The following TMEM17 variants were observed in gnomAD, a reference collection of about 807,000 sequenced individuals.
TMEM17 encodes transmembrane protein 17.
Under a neutral mutation model 19.1 loss-of-function variants are expected in TMEM17, and 15 were observed. The observed-to-expected ratio is 0.78, with a 90% CI of 0.52 to 1.21. The LOEUF is 1.21. TMEM17 is among the 50% of genes most tolerant of loss of function. The pLI is 0.00. For missense variants in TMEM17, 245 were observed against 242.3 expected (o/e 1.01, Z -0.07); for synonymous variants, 103 against 86.9 (o/e 1.19, Z -1.03).
At chr2:62,471,068 T>A in the TMEM17 span, among the ~76,000 whole-genome samples, 1 of 152,310 alleles carries the variant, frequency 6.6e-6, no homozygotes, top group South Asian at 2.1e-4. Context: ...GGGTCTGGAC[T>A]GCGGGTTCCA....
At chr2:62,468,844 G>T in the TMEM17 span, among the ~76,000 whole-genome samples, 1 of 152,228 alleles carries the variant, frequency 6.6e-6, no homozygotes, top group Non-Finnish European at 1.5e-5. Flanking sequence ...ACTAGCTAGA[G>T]GCATGGTAGC....
At chr2:62,499,210 T>C (rs942700502), downstream of TMEM17, among the ~76,000 whole-genome samples, 1 of 152,182 alleles carries the variant, frequency 6.6e-6, no homozygotes, top group East Asian at 1.9e-4. Flanking sequence ...TTTATGGTTA[T>C]GACTGACATT....
the TMEM17 span, among the ~76,000 whole-genome samples, chr2:62,454,726 T>C: frequency 3.9e-5 from 6 of 152,174 alleles, no homozygotes; most frequent in Admixed American, 1.3e-4. Context: ...TATTTTGAGA[T>C]GGAGTCTCAC....
chr2:62,493,824 T>C, the TMEM17 span, among the ~76,000 whole-genome samples: 1 of 152,236 alleles, frequency 6.6e-6, no homozygotes, highest in African/African-American at 2.4e-5. Context: ...TAATAATCTA[T>C]TATTTAAAAG....
chr2:62,459,405 G>C, the TMEM17 span, among the ~76,000 whole-genome samples: 1 of 152,232 alleles, frequency 6.6e-6, no homozygotes, highest in African/African-American at 2.4e-5. Flanking sequence ...TTGTCCTCAG[G>C]TTGGCCTGGG....
chr2:62,494,499 A>G, the TMEM17 span, among the ~76,000 whole-genome samples: 1 of 152,296 alleles, frequency 6.6e-6, no homozygotes, highest in Non-Finnish European at 1.5e-5. Context: ...ATGTGCATAT[A>G]ACTTTAATAT....
chr2:62,482,049 G>A, the TMEM17 span, among the ~76,000 whole-genome samples: 4 of 152,194 alleles, frequency 2.6e-5, no homozygotes, highest in Admixed American at 2.6e-4. Context: ...TCCAGGGGAA[G>A]GTAGAACTGC....
chr2:62,465,729 C>T, the TMEM17 span, among the ~76,000 whole-genome samples: 2 of 152,144 alleles, frequency 1.3e-5, no homozygotes, highest in African/African-American at 2.4e-5. Context: ...AAGTTTGACC[C>T]TCTATTATTT....
chr2:62,502,719 A>C lies in TMEM17; in HGVS notation c.176T>G (p.Val59Gly). The change falls in exon 2 of 4, where the codon GTG (valine) becomes GGG (glycine). Residue 59 changes from valine to glycine, a missense_variant. Transcript: ENST00000335390. ...CATGTGAAGCATCATAATGCTGCTC[A>C]CCCACCACAGTGGGAAATAGTAGGT... ...FNTYYFPLWW[V>G]SSIMMLHMKY... 6.2e-7 allele frequency: 1 copy of C among 1,609,348 alleles called. No individual in the cohort carries two copies.
the TMEM17 span, among the ~76,000 whole-genome samples, chr2:62,478,741 T>G: frequency 6.6e-6 from 1 of 151,972 alleles, no homozygotes; most frequent in African/African-American, 2.4e-5. Flanking sequence ...TATTTTTATT[T>G]TTCTAGCTTT....
At chr2:62,478,906 T>TG in the TMEM17 span, among the ~76,000 whole-genome samples, 1 of 152,082 alleles carries the variant, frequency 6.6e-6, no homozygotes. Context: ...AAAGGGAGAT[T>TG]GGGGGGAGTT....
Position 62,501,395 on chromosome 2 carries a change from C to T in TMEM17, c.411G>A (p.Leu137=), listed in dbSNP as rs1008356335. Residue 137 remains leucine (L), a synonymous_variant, in exon 4 of 4, where the codon CTG becomes CTA. Transcript: ENST00000335390. The stretch of plus-strand genomic sequence containing the variant: ...TGATATGTATCGCTTTTTCCAAGGG[C>T]AGATTTGTTAGGCCTTCATTAAAGA... The part of the protein sequence containing the change: ...FLLFNEGLTN[L]PLEKAIHIIF... 5.6e-6 allele frequency: 9 copies of T among 1,614,128 alleles called. No homozygotes were observed. The highest frequency in any genetic ancestry group is 7.6e-6 in the Non-Finnish European group (9 of 1,180,024).
At chr2:62,468,406 G>T in the TMEM17 span, among the ~76,000 whole-genome samples, 1 of 152,228 alleles carries the variant, frequency 6.6e-6, no homozygotes, top group African/African-American at 2.4e-5. Context: ...CCACATCTTC[G>T]TTTGACATTT....
At chr2:62,477,519 C>A in the TMEM17 span, among the ~76,000 whole-genome samples, 7 of 152,352 alleles carry the variant, frequency 4.6e-5, no homozygotes, top group African/African-American at 1.7e-4. Flanking sequence ...CCCTCACAGT[C>A]AGAGCTGTAC....
chr2:62,477,158 A>G, the TMEM17 span, among the ~76,000 whole-genome samples: 2 of 152,164 alleles, frequency 1.3e-5, no homozygotes, highest in African/African-American at 2.4e-5. Context: ...GCACTTTGGG[A>G]GGCTGAGGCG....
chr2:62,459,821 G>C, the TMEM17 span, among the ~76,000 whole-genome samples: 2 of 152,214 alleles, frequency 1.3e-5, no homozygotes, highest in African/African-American at 4.8e-5. Flanking sequence ...GAGTATGGTT[G>C]CTGTTCACAG....
the TMEM17 span, among the ~76,000 whole-genome samples, chr2:62,459,370 A>G: frequency 7.7e-3 from 1,180 of 152,344 alleles, 6 homozygotes; most frequent in Non-Finnish European, 0.012. Context: ...GATTATCAGC[A>G]TGGTTCAAGG....
downstream of TMEM17, among the ~76,000 whole-genome samples, chr2:62,497,544 C>G (rs569001461): frequency 6.9e-6 from 1 of 145,520 alleles, no homozygotes; most frequent in African/African-American, 2.4e-5. Context: ...TTCTTTAAAT[C>G]TCAAGTGTCA....
At chr2:62,454,704 T>C in the TMEM17 span, among the ~76,000 whole-genome samples, 5 of 152,280 alleles carry the variant, frequency 3.3e-5, no homozygotes, top group Admixed American at 6.5e-5. Context: ...TTTATGTATG[T>C]ATTTATTTAT....
Sources: allele counts gnomAD v4.1 joint callset (sites outside exome capture counted in the v4.1 genomes callset), GRCh38; gene constraint gnomAD v4.1.1; transcripts MANE v1.5; gene names NCBI Gene and HGNC (gene_info 2026-07-23, HGNC 2026-07-21).